LRRIQ1: variants seen among roughly 807,000 people sequenced by gnomAD.
The protein encoded by LRRIQ1 is leucine rich repeats and IQ motif containing 1.
LRRIQ1 carries 210 observed loss-of-function variants against 211.9 expected under a neutral mutation model. The observed-to-expected ratio is 0.99, with a 90% confidence interval of 0.89 to 1.11. LRRIQ1 has a LOEUF of 1.11. Ranked by LOEUF, LRRIQ1 falls within the 50% of genes most tolerant of loss-of-function variation. The pLI, the probability that LRRIQ1 is intolerant of heterozygous loss-of-function variation, is 0.00. For missense variants in LRRIQ1, 2,136 were observed against 1,939.5 expected (o/e 1.10, Z -1.90); for synonymous variants, 699 against 650.1 (o/e 1.08, Z -1.14).
At chr12:85,131,044 C>A (rs149307601) in intron 18 of LRRIQ1, among the ~76,000 whole-genome samples, 2 of 122,030 alleles carry the variant, frequency 1.6e-5, no homozygotes, top group African/African-American at 9.4e-5. Context: ...ACCTTCATCT[C>A]TACTAAAAAA....
chr12:85,065,491 C>A (rs1882338740), intron 9 of LRRIQ1, 77 bp downstream of exon 9: 2 of 1,194,108 alleles, frequency 1.7e-6, no homozygotes, highest in Non-Finnish European at 2.2e-6. Context: ...CAGAAATGAC[C>A]CTTTTGAAGA....
chr12:85,195,339 C>G (rs1325497439), intron 24 of LRRIQ1, among the ~76,000 whole-genome samples: 1 of 151,748 alleles, frequency 6.6e-6, no homozygotes, highest in Admixed American at 6.6e-5. Context: ...CAGCATCATT[C>G]TGATACCAAA....
intron 24 of LRRIQ1, among the ~76,000 whole-genome samples, chr12:85,201,427 T>C (rs888200794): frequency 1.3e-5 from 2 of 152,186 alleles, no homozygotes; most frequent in South Asian, 2.1e-4. Flanking sequence ...TCCTGGGCTT[T>C]GTTTGATTGG....
chr12:85,232,792 T>C (rs750396037), intron 26 of LRRIQ1, 36 bp downstream of exon 26: 1 of 1,427,000 alleles, frequency 7.0e-7, no homozygotes, highest in Non-Finnish European at 9.9e-7. Context: ...AAAAATGTTG[T>C]AGACACTAGT....
chr12:85,122,338 A>G lies in LRRIQ1; in HGVS notation c.3557+462A>G, dbSNP rs1001033027. Among the ~76,000 whole-genome samples, 6 of 152,246 alleles carry G rather than the reference A, an allele frequency of 3.9e-5. No individual in the cohort carries two copies. In the East Asian group the frequency reaches 9.6e-4, roughly 24 times the overall value. ...ACATATACTTACGTATCAAGGTATCATGGGAGCACAGTAGAAAAAAGCAGT... is the reference window on the plus strand; with the variant it reads ...ACATATACTTACGTATCAAGGTATCGTGGGAGCACAGTAGAAAAAAGCAGT... On this transcript the variant is annotated intron_variant, in intron 16 of 26. Transcript: ENST00000393217.
intron 11 of LRRIQ1, among the ~76,000 whole-genome samples, chr12:85,086,853 A>AG: frequency 6.6e-6 from 1 of 152,110 alleles, no homozygotes; most frequent in South Asian, 2.1e-4. Context: ...CCTGGCTTAC[A>AG]GGGGGAGTAG....
intron 24 of LRRIQ1, among the ~76,000 whole-genome samples, chr12:85,189,167 T>C (rs766635377): frequency 8.5e-5 from 13 of 152,154 alleles, no homozygotes; most frequent in Non-Finnish European, 1.9e-4. Flanking sequence ...GATATGCTCC[T>C]GTTAGCAAAG....
At chr12:85,059,785 G>C (rs111636414) in intron 8 of LRRIQ1, among the ~76,000 whole-genome samples, 1 of 151,746 alleles carries the variant, frequency 6.6e-6, no homozygotes, top group Admixed American at 6.6e-5. Context: ...CACGTGGCAC[G>C]TGTATACCTA....
chr12:85,216,401 G>T (rs1376014743), intron 24 of LRRIQ1, among the ~76,000 whole-genome samples: 1 of 151,918 alleles, frequency 6.6e-6, no homozygotes, highest in Non-Finnish European at 1.5e-5. Context: ...TTTTGAGCAG[G>T]ACCGCTGGTA....
intron 24 of LRRIQ1, among the ~76,000 whole-genome samples, chr12:85,211,544 T>C (rs1893838262): frequency 6.6e-6 from 1 of 152,186 alleles, no homozygotes; most frequent in South Asian, 2.1e-4. Context: ...AGAGAAAGTA[T>C]TGGAATCACA....
rs532573497 is a variant in LRRIQ1 at position 85,219,971 on chromosome 12, G to A, written c.4823-9546G>A. ...AAAATTCTGTTAGTGTAACATTTAT[G>A]CCAAATTCCATTTTTAGTTGTGCTT... On this transcript the variant is annotated intron_variant, in intron 24 of 26. Transcript: ENST00000393217. 3.9e-5 allele frequency among the ~76,000 whole-genome samples: 6 copies of A among 152,048 alleles called. No individual in the cohort carries two copies. In the East Asian group the frequency reaches 7.7e-4, roughly 20 times the overall value.
At chr12:85,143,147 A>G (rs1889656893) in intron 19 of LRRIQ1, among the ~76,000 whole-genome samples, 1 of 151,552 alleles carries the variant, frequency 6.6e-6, no homozygotes, top group Admixed American at 6.6e-5. Context: ...TGATATAGCT[A>G]TTTTAACATG....
At chr12:85,069,011 A>G (rs972018624) in intron 10 of LRRIQ1, among the ~76,000 whole-genome samples, 2 of 151,580 alleles carry the variant, frequency 1.3e-5, no homozygotes, top group Admixed American at 6.6e-5. Flanking sequence ...ACATATGTAT[A>G]CATGTGCCAT....
chr12:85,197,758 G>A (rs929925414), intron 24 of LRRIQ1, among the ~76,000 whole-genome samples: 1 of 150,194 alleles, frequency 6.7e-6, no homozygotes, highest in Non-Finnish European at 1.5e-5. Flanking sequence ...CAACGCACCA[G>A]CATGGCACAT....
In LRRIQ1 at chr12:85,124,424, A is replaced by G. The variant is rs139108198; in HGVS notation, c.3912A>G (p.Ala1304=). The change falls in exon 17 of 27, where the codon GCA becomes GCG. Residue 1304 remains alanine, a synonymous_variant. Transcript: ENST00000393217. ...GTCAGAAGAGAGAAGACAGCAAGGC[A>G]AGCAGTATTCCCACCATAAGAATCC... ...LVCQKREDSK[A]SSIPTIRIPF... 3.8e-5 allele frequency: 61 copies of G among 1,614,046 alleles called. No individual in the cohort carries two copies. The highest frequency in any genetic ancestry group is 3.1e-4 in the East Asian group (14 of 44,884).
chr12:85,155,262 A>G (rs1281774888), intron 23 of LRRIQ1, among the ~76,000 whole-genome samples: 2 of 151,602 alleles, frequency 1.3e-5, no homozygotes, highest in African/African-American at 4.8e-5. Flanking sequence ...TAACATTTCA[A>G]GCATTTTTAA....
intron 24 of LRRIQ1, among the ~76,000 whole-genome samples, chr12:85,202,927 T>A (rs994460230): frequency 2.0e-5 from 3 of 152,216 alleles, no homozygotes; most frequent in Admixed American, 1.3e-4. Flanking sequence ...TAATGGTTTT[T>A]CCTTTCCATG....
intron 11 of LRRIQ1, among the ~76,000 whole-genome samples, chr12:85,095,768 G>A (rs1885815413): frequency 6.6e-6 from 1 of 151,952 alleles, no homozygotes; most frequent in African/African-American, 2.4e-5. Context: ...CTGGTCCAGG[G>A]CTCTTTTTGG....
At chr12:85,123,532 C>T (rs1167630807) in intron 16 of LRRIQ1, among the ~76,000 whole-genome samples, 2 of 152,154 alleles carry the variant, frequency 1.3e-5, no homozygotes, top group South Asian at 2.1e-4. Context: ...GAAATCCAAT[C>T]ATTGTTCAAG....
Sources: gnomAD v4.1 joint callset for allele counts (sites outside exome capture counted in the v4.1 genomes callset) on GRCh38, gnomAD v4.1.1 for gene constraint, MANE v1.5 for transcripts, NCBI Gene and HGNC (gene_info 2026-07-23, HGNC 2026-07-21) for gene names.